Variants in ABCC4 observed in about 807,000 individuals in gnomAD.
ABCC4 encodes ATP binding cassette subfamily C member 4 (PEL blood group).
Under a neutral mutation model 168.5 loss-of-function variants are expected in ABCC4, and 102 were observed. That is an observed-to-expected ratio of 0.61 (90% CI 0.52 to 0.71). The LOEUF (loss-of-function observed/expected upper bound fraction) is 0.71. ABCC4 is among the 30% of genes least tolerant of loss of function. The probability of loss-of-function intolerance (pLI) is 0.00; values close to 1 mark genes in which losing one functional copy is unlikely to be tolerated. For missense variants in ABCC4, 1,402 were observed against 1,605.8 expected (o/e 0.87, Z 2.17); for synonymous variants, 617 against 590.7 (o/e 1.04, Z -0.65).
At chr13:95,231,415 T>A (rs988847703) in intron 4 of ABCC4, among the ~76,000 whole-genome samples, 1 of 152,204 alleles carries the variant, frequency 6.6e-6, no homozygotes, top group Admixed American at 6.5e-5. Flanking sequence ...GATCATTCAA[T>A]ACCAAATGTC....
At chr13:95,187,497 G>A (rs1334792867) in intron 10 of ABCC4, among the ~76,000 whole-genome samples, 1 of 152,136 alleles carries the variant, frequency 6.6e-6, no homozygotes, top group African/African-American at 2.4e-5. Flanking sequence ...CAGCTACTTG[G>A]GAGGCTGAGG....
At chr13:95,166,046 C>T (rs1156409376) in intron 15 of ABCC4, 112 bp downstream of exon 15, 4 of 1,052,084 alleles carry the variant, frequency 3.8e-6, no homozygotes, top group Non-Finnish European at 5.6e-6. Context: ...CCTGAAACCA[C>T]AGAATCCACT....
chr13:95,199,102 G>T (rs1210299496), intron 8 of ABCC4, among the ~76,000 whole-genome samples: 3 of 149,954 alleles, frequency 2.0e-5, no homozygotes, highest in African/African-American at 7.4e-5. Context: ...TTCTGCACAT[G>T]TGTCCCAGAA....
At chr13:95,257,935 G>T (rs1313914287) in intron 1 of ABCC4, among the ~76,000 whole-genome samples, 9 of 152,146 alleles carry the variant, frequency 5.9e-5, no homozygotes, top group Non-Finnish European at 1.3e-4. Context: ...TTTAAGACAT[G>T]TGTCACGTAA....
intron 8 of ABCC4, among the ~76,000 whole-genome samples, chr13:95,201,383 G>A (rs1467870579): frequency 6.6e-6 from 1 of 152,154 alleles, no homozygotes; most frequent in South Asian, 2.1e-4. Flanking sequence ...TCTCTGATGT[G>A]TGACATAATT....
chr13:95,045,448 A>C (rs975743787), intron 27 of ABCC4, among the ~76,000 whole-genome samples: 1 of 152,182 alleles, frequency 6.6e-6, no homozygotes, highest in African/African-American at 2.4e-5. Context: ...TCCTTTCCCA[A>C]GTTTAAGCCC....
At chr13:95,088,071 G>T (rs137969332) in intron 20 of ABCC4, among the ~76,000 whole-genome samples, 1 of 152,236 alleles carries the variant, frequency 6.6e-6, no homozygotes, top group Admixed American at 6.5e-5. Flanking sequence ...TTGGACTTCG[G>T]TTAGTGCTTA....
At chr13:95,175,269 T>C (rs560217618) in intron 13 of ABCC4, among the ~76,000 whole-genome samples, 56 of 152,254 alleles carry the variant, frequency 3.7e-4, no homozygotes, top group South Asian at 6.2e-4. Flanking sequence ...GCCCTCACCC[T>C]AGCACCTTAG....
In ABCC4 at chr13:95,206,896, G is replaced by A; in HGVS notation, c.912-115C>T. The A allele has an allele frequency of 2.4e-6, 3 of 1,234,130 alleles. 1 individual carries two copies. The South Asian group carries it at 4.2e-5, about 17-fold the overall frequency. The allele number at this position is 1,234,130 out of a possible 1,614,324, so 76.4% of individuals were successfully genotyped here. On this transcript the variant is annotated intron_variant, in intron 7 of 30. Coordinates refer to ENST00000645237, the MANE Select transcript of ABCC4 (RefSeq NM_005845.5). The stretch of plus-strand genomic sequence containing the variant: ...GTGGATGAATTGTTTGAACCCAGGA[G>A]TTTGAGACCATCCTGGGCAACAACA...
At chr13:95,069,365 A>C (rs1459580941) in intron 25 of ABCC4, among the ~76,000 whole-genome samples, 3 of 152,192 alleles carry the variant, frequency 2.0e-5, no homozygotes, top group Non-Finnish European at 4.4e-5. Context: ...ATGCTGACCC[A>C]GAATTATAAA....
chr13:95,174,530 T>G (rs2037597673), intron 13 of ABCC4, among the ~76,000 whole-genome samples: 1 of 152,216 alleles, frequency 6.6e-6, no homozygotes, highest in Admixed American at 6.5e-5. Flanking sequence ...CAAGCTTGCT[T>G]CTAACAAGCA....
intron 1 of ABCC4, among the ~76,000 whole-genome samples, chr13:95,288,471 T>C (rs1233085372): frequency 2.6e-5 from 4 of 152,186 alleles, no homozygotes; most frequent in African/African-American, 9.7e-5. Flanking sequence ...AAGACTTAAA[T>C]AAGACTTAAA....
chr13:95,084,265 G>A lies in ABCC4; in HGVS notation c.2536-975C>T, dbSNP rs2034188284. On this transcript the variant is annotated intron_variant, in intron 20 of 30. Transcript: ENST00000645237. ...GACACTGAGGCACAGGGAGAAAAAA[G>A]TAACTTGATCAAGAACACACAGCAC... Among the ~76,000 whole-genome samples, 4 of 152,144 alleles carry A rather than the reference G, an allele frequency of 2.6e-5. No homozygotes were observed. The South Asian group carries it at 8.3e-4, about 32-fold the overall frequency.
At chr13:95,197,447 T>C (rs2038489107) in intron 8 of ABCC4, among the ~76,000 whole-genome samples, 2 of 152,268 alleles carry the variant, frequency 1.3e-5, no homozygotes, top group South Asian at 2.1e-4. Flanking sequence ...TGAGCACTGG[T>C]CAATAAACAA....
chr13:95,259,243 G>C (rs2138844905), intron 1 of ABCC4, among the ~76,000 whole-genome samples: 1 of 152,234 alleles, frequency 6.6e-6, no homozygotes, highest in South Asian at 2.1e-4. Context: ...AGCCAGGCGT[G>C]GTGGCACATG....
At chr13:95,037,948 C>T (rs2032191448) in intron 29 of ABCC4, among the ~76,000 whole-genome samples, 2 of 151,772 alleles carry the variant, frequency 1.3e-5, no homozygotes, top group Non-Finnish European at 2.9e-5. Flanking sequence ...TCACTGCAAC[C>T]TCCACCTCCT....
At chr13:95,124,713 GAAA>G (rs59665124) in intron 19 of ABCC4, among the ~76,000 whole-genome samples, 1 of 59,218 alleles carries the variant, frequency 1.7e-5, no homozygotes, top group Non-Finnish European at 2.7e-5. Flanking sequence ...TACTAAAAAC[GAAA>G]AAAAAAAAAA....
At chr13:95,290,103 A>AATAGATAGATAGACAGATAG (rs559796449) in intron 1 of ABCC4, among the ~76,000 whole-genome samples, 186 of 113,810 alleles carry the variant, frequency 1.6e-3, no homozygotes, top group Non-Finnish European at 3.0e-3. Context: ...TCTCAAAAAA[A>AATAGATAGATAGACAGATAG]ATAGATAGAT....
intron 19 of ABCC4, among the ~76,000 whole-genome samples, chr13:95,147,202 C>T (rs2036527429): frequency 6.6e-6 from 1 of 152,112 alleles, no homozygotes; most frequent in Admixed American, 6.6e-5. Context: ...GGTCTCTCCA[C>T]CCCAAATTCT....
Sources: allele counts gnomAD v4.1 joint callset (sites outside exome capture counted in the v4.1 genomes callset), GRCh38; gene constraint gnomAD v4.1.1; transcripts MANE v1.5; gene names NCBI Gene and HGNC (gene_info 2026-07-23, HGNC 2026-07-21).